Variants in BRCA2 observed in about 807,000 individuals in gnomAD.
BRCA2 encodes BRCA2 DNA repair associated.
BRCA2 carries 203 observed loss-of-function variants against 276.7 expected under a neutral mutation model. The observed-to-expected ratio is 0.73, with a 90% confidence interval of 0.65 to 0.82. The LOEUF (loss-of-function observed/expected upper bound fraction) is 0.82, where lower values mean the gene tolerates loss of function less well. Ranked by LOEUF, BRCA2 falls within the 40% of genes least tolerant of loss-of-function variation. The pLI is 0.00. For missense variants in BRCA2, 3,920 were observed against 3,915.0 expected, an observed-to-expected ratio of 1.00 and a Z score of -0.03; for synonymous variants, 1,289 against 1,338.4, an observed-to-expected ratio of 0.96 and a Z score of 0.81.
rs145625991 is a variant in BRCA2 at position 32,337,772 on chromosome 13, G to T, written c.3417G>T (p.Lys1139Asn). The change falls in exon 11 of 27, where the codon AAG becomes AAT. Residue 1139 changes from lysine (K) to asparagine (N), a missense_variant. Transcript: ENST00000380152. The part of the protein sequence containing the change: ...QFRKPSYILQ[K>N]STFEVPENQM... ...GAAAACCAAGCTACATATTGCAGAA[G>T]AGTACATTTGAAGTGCCTGAAAACC... 3 of 1,613,844 alleles carry T rather than the reference G, an allele frequency of 1.9e-6. No homozygotes were observed. Among genetic ancestry groups the T allele is most frequent in the African/African-American group, 2.7e-5 (2 of 74,902 alleles).
At chr13:32,348,440 T>C (rs1002974176) in intron 13 of BRCA2, among the ~76,000 whole-genome samples, 2 of 152,064 alleles carry the variant, frequency 1.3e-5, no homozygotes, top group Non-Finnish European at 2.9e-5. Flanking sequence ...TTAAATTCAT[T>C]AGAGGACCAA....
At chr13:32,377,703 T>C (rs1448678465) in intron 21 of BRCA2, among the ~76,000 whole-genome samples, 2 of 152,156 alleles carry the variant, frequency 1.3e-5, no homozygotes, top group African/African-American at 4.8e-5. Flanking sequence ...AGAACATAAT[T>C]TTATATATTA....
intron 16 of BRCA2, 149 bp downstream of exon 16, chr13:32,358,078 G>A: frequency 1.2e-6 from 1 of 824,550 alleles, no homozygotes; most frequent in Non-Finnish European, 1.9e-6. Context: ...TAAGCATTCT[G>A]TAGAAGTCTT....
In BRCA2 at chr13:32,398,637, G is replaced by T. The variant is rs1060502452; in HGVS notation, c.10124G>T (p.Ser3375Ile). 1 of 1,614,178 alleles carries T rather than the reference G, an allele frequency of 6.2e-7. No individual in the cohort carries two copies. Among genetic ancestry groups the T allele is most frequent in the South Asian group, 1.1e-5 (1 of 91,084 alleles). The change falls in exon 27 of 27, where the codon AGT becomes ATT. Residue 3375 changes from serine to isoleucine, a missense_variant. This residue lies in a region of BRCA2 where 657 missense variants were observed against 758.2 expected (regional missense o/e 0.87). Coordinates refer to ENST00000380152, the MANE Select transcript of BRCA2 (RefSeq NM_000059.4). ...VSESTRTAPT[S>I]SEDYLRLKRR... is the part of the protein sequence containing the mutation. ...GAATCCACTAGGACTGCTCCCACCA[G>T]TTCAGAAGATTATCTCAGACTGAAA...
rs147231568 is a variant in BRCA2 at position 32,348,948 on chromosome 13, C to T, written c.7007+2052C>T. 1.8e-4 allele frequency among the ~76,000 whole-genome samples: 28 copies of T among 152,254 alleles called. No homozygotes were observed. In the East Asian group the frequency reaches 5.2e-3, roughly 28 times the overall value. On this transcript the variant is annotated intron_variant, in intron 13 of 26. Transcript: ENST00000380152. ...GTAAAGATGGTGAATTGAGGCCAGG[C>T]ACAGTGGCTTACACCTGTAATCCAG...
intron 1 of BRCA2, among the ~76,000 whole-genome samples, chr13:32,315,897 C>T (rs533407953): frequency 6.6e-6 from 1 of 152,362 alleles, no homozygotes; most frequent in African/African-American, 2.4e-5. Context: ...TCCGGCCCGG[C>T]CTTTGGGCTC....
intron 13 of BRCA2, among the ~76,000 whole-genome samples, chr13:32,347,517 C>G (rs1307693838): frequency 2.6e-5 from 4 of 152,124 alleles, no homozygotes; most frequent in African/African-American, 9.7e-5. Flanking sequence ...AGGCGGTTAT[C>G]CTTCTTCTGC....
intron 8 of BRCA2, 27 bp downstream of exon 8, chr13:32,329,519 T>C (rs928090331): frequency 1.0e-5 from 16 of 1,538,452 alleles, no homozygotes; most frequent in Non-Finnish European, 1.4e-5. Context: ...TTGATTAGAC[T>C]GTTGAAATTG....
intron 24 of BRCA2, among the ~76,000 whole-genome samples, chr13:32,393,792 G>A (rs759682639): frequency 1.3e-5 from 2 of 152,126 alleles, no homozygotes; most frequent in African/African-American, 2.4e-5. Context: ...CTCATGTCTA[G>A]TTGGATTTGT....
chr13:32,395,439 T>C (rs188871630), intron 25 of BRCA2, among the ~76,000 whole-genome samples: 1 of 152,340 alleles, frequency 6.6e-6, no homozygotes, highest in East Asian at 1.9e-4. Flanking sequence ...AGCTGGTGTT[T>C]ATTGAGTGTT....
intron 16 of BRCA2, among the ~76,000 whole-genome samples, chr13:32,359,567 C>A (rs1036195462): frequency 2.0e-5 from 3 of 152,206 alleles, no homozygotes; most frequent in Non-Finnish European, 2.9e-5. Flanking sequence ...CTTTAAATTT[C>A]TGTACATCTT....
Position 32,363,395 on chromosome 13 carries a change from G to A in BRCA2, c.8193G>A (p.Gln2731=), listed in dbSNP as rs1555287034. The A allele has an allele frequency of 6.2e-7, 1 of 1,614,170 alleles. No individual in the cohort carries two copies. Among genetic ancestry groups the A allele is most frequent in the Non-Finnish European group, 8.5e-7 (1 of 1,180,032 alleles). Residue 2731 remains glutamine (Q), a synonymous_variant, in exon 18 of 27, where the codon CAG becomes CAA. Transcript: ENST00000380152. ...ATGGGTGGTATGCTGTTAAGGCCCA[G>A]TTAGATCCTCCCCTCTTAGCTGTCT... ...LTDGWYAVKA[Q]LDPPLLAVLK...
intron 6 of BRCA2, 50 bp from the exon 7 acceptor site, chr13:32,326,449 T>C (rs1233321562): frequency 1.3e-6 from 2 of 1,488,768 alleles, no homozygotes; most frequent in African/African-American, 2.8e-5. Flanking sequence ...ATAATATCCT[T>C]AATGATCAGG....
chr13:32,395,988 T>TTTTTTTTTA (rs1555289687), intron 25 of BRCA2: 1 of 259,364 alleles, frequency 3.9e-6, no homozygotes, highest in African/African-American at 2.5e-5. Flanking sequence ...TTTTTTTTTT[T>TTTTTTTTTA]AGAGACAGAG....
At chr13:32,351,794 AT>A (rs1302650996) in intron 13 of BRCA2, among the ~76,000 whole-genome samples, 5 of 151,470 alleles carry the variant, frequency 3.3e-5, no homozygotes, top group Non-Finnish European at 7.4e-5. Context: ...ATTTTATTTT[AT>A]TTTATTTATT....
In BRCA2 at chr13:32,316,307, G is replaced by A. The variant is rs191766418; in HGVS notation, c.-39-115G>A. 167 of 722,938 alleles carry A rather than the reference G, an allele frequency of 2.3e-4. 3 individuals are homozygous for A. In the East Asian group the frequency reaches 2.9e-3, roughly 13 times the overall value. 44.8% of individuals were successfully genotyped at this position (722,938 alleles called of 1,614,324 possible). ...TCACAGTAAGCTGTTACCGTTCCAGGAGATGGGACTGAATTAGAATTCAAA... is the reference window on the plus strand; with the variant it reads ...TCACAGTAAGCTGTTACCGTTCCAGAAGATGGGACTGAATTAGAATTCAAA... On this transcript the variant is annotated intron_variant, in intron 1 of 26. Transcript: ENST00000380152.
intron 25 of BRCA2, among the ~76,000 whole-genome samples, chr13:32,395,444 A>T (rs993019961): frequency 6.6e-6 from 1 of 152,182 alleles, no homozygotes; most frequent in African/African-American, 2.4e-5. Flanking sequence ...GTGTTTATTG[A>T]GTGTTTACTA....
rs2137659005 is a variant in BRCA2, at chr13:32,396,939, G to C, written c.9543G>C (p.Met3181Ile). The C allele has an allele frequency of 6.2e-7, 1 of 1,614,068 alleles. No individual in the cohort carries two copies. The highest frequency in any genetic ancestry group is 8.5e-7 in the Non-Finnish European group (1 of 1,179,956). The change falls in exon 26 of 27, where the codon ATG (methionine) becomes ATC (isoleucine). Residue 3181 changes from methionine (M) to isoleucine (I), a missense_variant. Transcript: ENST00000380152. ...ILCNEAENKLMHILHANDPKW... is the reference protein window; with the variant it reads ...ILCNEAENKLIHILHANDPKW... ...GCAATGAAGCAGAAAACAAGCTTAT[G>C]CATATACTGCATGCAAATGATCCCA...
At chr13:32,326,447 C>T (rs2137451599) in intron 6 of BRCA2, 52 bp from the exon 7 acceptor site, 7 of 1,487,164 alleles carry the variant, frequency 4.7e-6, no homozygotes, top group Non-Finnish European at 6.6e-6. Flanking sequence ...AAATAATATC[C>T]TTAATGATCA....
Sources: gnomAD v4.1 joint callset for allele counts (sites outside exome capture counted in the v4.1 genomes callset) on GRCh38, gnomAD v4.1.1 for gene constraint, gnomAD v4.1.1 regional missense constraint, MANE v1.5 for transcripts, NCBI Gene and HGNC (gene_info 2026-07-23, HGNC 2026-07-21) for gene names.